The following COMMD1 variants were observed in gnomAD, a reference collection of about 807,000 sequenced individuals.
The protein encoded by COMMD1 is COMM domain-containing protein 1.
Under a neutral mutation model 17.2 loss-of-function variants are expected in COMMD1, and 10 were observed. The ratio of observed to expected loss-of-function variants is 0.58; its 90% CI spans 0.36 to 0.99. The LOEUF is 0.99. COMMD1 is among the 50% of genes least tolerant of loss of function. The probability of loss-of-function intolerance (pLI) is 0.01; values close to 1 mark genes in which losing one functional copy is unlikely to be tolerated. For missense variants in COMMD1, 270 were observed against 231.8 expected, an observed-to-expected ratio of 1.17 and a Z score of -1.07; for synonymous variants, 97 against 91.6, an observed-to-expected ratio of 1.06 and a Z score of -0.34.
chr2:61,899,617 C>T (rs965009414), intron 1 of COMMD1, among the ~76,000 whole-genome samples: 3 of 152,196 alleles, frequency 2.0e-5, no homozygotes, highest in Non-Finnish European at 2.9e-5. Context: ...CTCTTCTACA[C>T]ATACATTTGA....
intron 1 of COMMD1, among the ~76,000 whole-genome samples, chr2:61,964,788 G>A (rs965908051): frequency 6.6e-6 from 1 of 152,140 alleles, no homozygotes; most frequent in African/African-American, 2.4e-5. Context: ...CAGGAGAATC[G>A]CTTGAACCTG....
chr2:62,028,527 T>C (rs1558568595), intron 2 of COMMD1, among the ~76,000 whole-genome samples: 2 of 152,198 alleles, frequency 1.3e-5, no homozygotes, highest in Admixed American at 6.5e-5. Context: ...GAGCCATGAC[T>C]GTGTCACTGC....
chr2:61,910,808 G>T, intron 1 of COMMD1, among the ~76,000 whole-genome samples: 1 of 152,144 alleles, frequency 6.6e-6, no homozygotes, highest in East Asian at 1.9e-4. Context: ...TTTAGGCCGG[G>T]CGCCACGGCT....
intron 2 of COMMD1, among the ~76,000 whole-genome samples, chr2:62,006,606 A>G (rs1022313787): frequency 6.6e-6 from 1 of 152,236 alleles, no homozygotes; most frequent in African/African-American, 2.4e-5. Context: ...AAAAACATGC[A>G]GAAAGCTTTA....
At chr2:62,029,706 T>C (rs981420922) in intron 2 of COMMD1, among the ~76,000 whole-genome samples, 1 of 152,236 alleles carries the variant, frequency 6.6e-6, no homozygotes, top group African/African-American at 2.4e-5. Flanking sequence ...TGAAGTTCTG[T>C]AGCATGTTTC....
At chr2:62,105,169 CAT>C (rs1672295917) in intron 2 of COMMD1, among the ~76,000 whole-genome samples, 1 of 150,586 alleles carries the variant, frequency 6.6e-6, no homozygotes, top group African/African-American at 2.4e-5. Context: ...TTTTATATAA[CAT>C]AATAGTAGAT....
chr2:61,907,168 C>A (rs534568388), intron 1 of COMMD1, among the ~76,000 whole-genome samples: 1 of 151,430 alleles, frequency 6.6e-6, no homozygotes, highest in Non-Finnish European at 1.5e-5. Flanking sequence ...TGCAGTGGCC[C>A]GATCTCGGCT....
chr2:61,946,168 T>A (rs1670899558), intron 1 of COMMD1, among the ~76,000 whole-genome samples: 1 of 152,156 alleles, frequency 6.6e-6, no homozygotes, highest in African/African-American at 2.4e-5. Context: ...CTACAATGTT[T>A]CCCATGCAAT....
chr2:62,044,563 CA>C, intron 2 of COMMD1, among the ~76,000 whole-genome samples: 1 of 152,186 alleles, frequency 6.6e-6, no homozygotes. Context: ...GCCTTTCCTC[CA>C]AAAAAGCTTC....
At chr2:61,930,333 G>A (rs1037545188) in intron 1 of COMMD1, among the ~76,000 whole-genome samples, 12 of 152,088 alleles carry the variant, frequency 7.9e-5, no homozygotes, top group South Asian at 2.1e-4. Flanking sequence ...CGAGGCAGGC[G>A]GATCATGAGG....
chr2:62,127,007 G>A (rs1672903900), intron 2 of COMMD1, among the ~76,000 whole-genome samples: 1 of 152,148 alleles, frequency 6.6e-6, no homozygotes, highest in Admixed American at 6.6e-5. Context: ...AGCTTCTTAA[G>A]CTGAAGCAAC....
intron 2 of COMMD1, among the ~76,000 whole-genome samples, chr2:62,130,722 A>G (rs917344612): frequency 3.3e-5 from 5 of 152,154 alleles, no homozygotes; most frequent in African/African-American, 1.2e-4. Flanking sequence ...TAAGTCTTTT[A>G]TTTTCTAGTT....
At chr2:62,132,172 C>T (rs1015001398) in intron 2 of COMMD1, among the ~76,000 whole-genome samples, 2 of 152,352 alleles carry the variant, frequency 1.3e-5, no homozygotes, top group Non-Finnish European at 2.9e-5. Flanking sequence ...CAGGCATGAG[C>T]CACCACACCC....
intron 1 of COMMD1, among the ~76,000 whole-genome samples, chr2:62,000,223 C>T (rs1340184539): frequency 6.6e-6 from 1 of 151,566 alleles, no homozygotes; most frequent in African/African-American, 2.4e-5. Context: ...TGTACCTGGC[C>T]TCTTTACTGT....
intron 1 of COMMD1, among the ~76,000 whole-genome samples, chr2:61,948,830 GGTCCCTGA>G (rs1230688252): frequency 6.6e-6 from 1 of 152,174 alleles, no homozygotes; most frequent in Non-Finnish European, 1.5e-5. Flanking sequence ...TTGCTTTCAA[GGTCCCTGA>G]GTCCCCTTCA....
intron 1 of COMMD1, among the ~76,000 whole-genome samples, chr2:61,909,462 C>T (rs1572951209): frequency 6.6e-6 from 1 of 151,808 alleles, no homozygotes; most frequent in Non-Finnish European, 1.5e-5. Flanking sequence ...GAAGGGTAGC[C>T]GTATACAGGA....
At chr2:61,974,772 A>T (rs1671748015) in intron 1 of COMMD1, among the ~76,000 whole-genome samples, 1 of 152,092 alleles carries the variant, frequency 6.6e-6, no homozygotes, top group South Asian at 2.1e-4. Context: ...GAGCTCCCAT[A>T]AACCCTCTCA....
At chr2:62,132,369 A>G (rs1673063747) in intron 2 of COMMD1, among the ~76,000 whole-genome samples, 1 of 152,196 alleles carries the variant, frequency 6.6e-6, no homozygotes, top group South Asian at 2.1e-4. Context: ...TCCTATCTCT[A>G]TGAATATTGT....
intron 2 of COMMD1, among the ~76,000 whole-genome samples, chr2:62,016,803 A>G (rs1669462785): frequency 6.6e-6 from 1 of 152,138 alleles, no homozygotes; most frequent in Non-Finnish European, 1.5e-5. Flanking sequence ...AATGTCATGA[A>G]ACTTTTCCTC....
Sources: allele counts gnomAD v4.1 joint callset (sites outside exome capture counted in the v4.1 genomes callset), GRCh38; gene constraint gnomAD v4.1.1; transcripts MANE v1.5; gene names NCBI Gene and HGNC (gene_info 2026-07-23, HGNC 2026-07-21).